Variants in TEAD1 observed in about 807,000 individuals in gnomAD.
TEAD1 encodes transcriptional enhancer factor TEF-1.
In TEAD1, 9 loss-of-function variants were observed where a neutral mutation model predicts 54.9. The ratio of observed to expected loss-of-function variants is 0.16; its 90% CI spans 0.10 to 0.29. The LOEUF is 0.29. TEAD1 is among the 10% of genes least tolerant of loss of function. The probability of loss-of-function intolerance (pLI) is 1.00; values close to 1 mark genes in which losing one functional copy is unlikely to be tolerated. For missense variants in TEAD1, 387 were observed against 535.9 expected (o/e 0.72, Z 2.74); for synonymous variants, 200 against 187.8 (o/e 1.07, Z -0.53).
At chr11:12,720,202 T>G (rs1333125151) in intron 2 of TEAD1, among the ~76,000 whole-genome samples, 1 of 152,032 alleles carries the variant, frequency 6.6e-6, no homozygotes, top group Non-Finnish European at 1.5e-5. Flanking sequence ...ATGTTAAATC[T>G]AATGTGGAAA....
intron 3 of TEAD1, among the ~76,000 whole-genome samples, chr11:12,799,075 ACCCATGAAAAT>A: frequency 6.6e-6 from 1 of 152,332 alleles, no homozygotes. Flanking sequence ...CTATCTGTAG[ACCCATGAAAAT>A]CTCATTGAAG....
At chr11:12,705,987 A>T in intron 2 of TEAD1, among the ~76,000 whole-genome samples, 1 of 152,212 alleles carries the variant, frequency 6.6e-6, no homozygotes, top group Non-Finnish European at 1.5e-5. Flanking sequence ...TTAAAGTATA[A>T]ATAGAGGGAG....
chr11:12,853,873 A>G (rs1589926208), intron 3 of TEAD1, among the ~76,000 whole-genome samples: 1 of 152,236 alleles, frequency 6.6e-6, no homozygotes, highest in Non-Finnish European at 1.5e-5. Flanking sequence ...TGGCAGGGAT[A>G]TGAGATAGAA....
In TEAD1 at chr11:12,864,863, C is replaced by T. The variant is rs765806436; in HGVS notation, c.293C>T (p.Ala98Val). The change falls in exon 5 of 13, where the codon GCC becomes GTC. Residue 98 changes from alanine to valine, a missense_variant. By Grantham distance (64) the Ala-to-Val change is moderately conservative. Coordinates refer to ENST00000527636, the MANE Select transcript of TEAD1 (RefSeq NM_021961.6). ...GTGTCTAGTCACATTCAGGTTCTTG[C>T]CAGAAGGAAATCTCGTGATTTTCAT... is the stretch of plus-strand genomic sequence containing the variant. 6.2e-7 allele frequency: 1 copy of T among 1,614,056 alleles called. No individual in the cohort carries two copies. Among genetic ancestry groups the T allele is most frequent in the South Asian group, 1.1e-5 (1 of 91,074 alleles).
rs183563134 is a variant in TEAD1, at chr11:12,871,805, C to T, written c.330+6905C>T. ...CAAAACTAAGAGGAAAGGAAGTCTT[C>T]GCCGTGCCCTCCGCTCGGCAGGAAT... On this transcript the variant is annotated intron_variant, in intron 5 of 12. Coordinates refer to ENST00000527636, the MANE Select transcript of TEAD1 (RefSeq NM_021961.6). 5.1e-4 allele frequency among the ~76,000 whole-genome samples: 78 copies of T among 152,196 alleles called. 1 individual carries two copies. In the East Asian group the frequency reaches 0.013, roughly 25 times the overall value.
At chr11:12,833,888 T>G (rs1362987623) in intron 3 of TEAD1, among the ~76,000 whole-genome samples, 1 of 152,176 alleles carries the variant, frequency 6.6e-6, no homozygotes, top group Non-Finnish European at 1.5e-5. Context: ...GCCCCCTCCT[T>G]GTGTTTACTC....
chr11:12,804,980 G>T (rs1326805560), intron 3 of TEAD1, among the ~76,000 whole-genome samples: 1 of 152,184 alleles, frequency 6.6e-6, no homozygotes, highest in Non-Finnish European at 1.5e-5. Flanking sequence ...CAGCACATTT[G>T]TCCAGTAGAC....
At chr11:12,857,504 T>C (rs1947412331) in intron 3 of TEAD1, among the ~76,000 whole-genome samples, 2 of 152,058 alleles carry the variant, frequency 1.3e-5, no homozygotes, top group Non-Finnish European at 2.9e-5. Context: ...AATAAGTAAC[T>C]TAAAGTTAGC....
At chr11:12,684,562 A>G (rs1943294618) in intron 2 of TEAD1, among the ~76,000 whole-genome samples, 2 of 152,130 alleles carry the variant, frequency 1.3e-5, no homozygotes, top group Admixed American at 1.3e-4. Context: ...TGCTGCCCTC[A>G]TTGCACCTCT....
Position 12,790,598 on chromosome 11 carries a change from C to T in TEAD1, c.202+26164C>T, listed in dbSNP as rs555951113. Reference sequence around the variant, plus strand: ...TCCCCAGGTTCATCTCCCATATCCCCAGTATTAAAGAATCTCAGATGAATG... The same window carrying T: ...TCCCCAGGTTCATCTCCCATATCCCTAGTATTAAAGAATCTCAGATGAATG... On this transcript the variant is annotated intron_variant, in intron 3 of 12. Transcript: ENST00000527636. 3.3e-5 allele frequency among the ~76,000 whole-genome samples: 5 copies of T among 152,324 alleles called. No homozygotes were observed. In the East Asian group the frequency reaches 9.6e-4, roughly 29 times the overall value.
chr11:12,722,208 A>G (rs1267314810), intron 2 of TEAD1, among the ~76,000 whole-genome samples: 3 of 152,192 alleles, frequency 2.0e-5, no homozygotes, highest in African/African-American at 7.2e-5. Context: ...CAGTGACAAG[A>G]TGGGCCAGGA....
In TEAD1 at chr11:12,939,154, C is replaced by T. The variant is rs947694311; in HGVS notation, c.*1932C>T. ...CTGTCCCCATTTGGAATGCCCATTC[C>T]TTCTAGAAACCAGTTGGACAGTGCT... On this transcript the variant is annotated 3_prime_UTR_variant, in exon 13 of 13. Transcript: ENST00000527636. 7.9e-5 allele frequency: 12 copies of T among 152,220 alleles called. No individual in the cohort carries two copies. The highest frequency in any genetic ancestry group is 2.4e-4 in the African/African-American group (10 of 41,430). 9.4% of individuals were successfully genotyped at this position (152,220 alleles called of 1,614,324 possible). A position where few individuals can be genotyped will look rare whatever the true frequency, so the allele number is the denominator to read the frequency against.
At chr11:12,758,723 A>G (rs1168401229) in intron 2 of TEAD1, among the ~76,000 whole-genome samples, 1 of 151,678 alleles carries the variant, frequency 6.6e-6, no homozygotes, top group Non-Finnish European at 1.5e-5. Context: ...CATTTTTTTA[A>G]ATAGAGGCAA....
intron 2 of TEAD1, among the ~76,000 whole-genome samples, chr11:12,753,931 A>G (rs1009340988): frequency 3.3e-5 from 5 of 152,102 alleles, no homozygotes; most frequent in South Asian, 2.1e-4. Flanking sequence ...GGTGGGGTCA[A>G]TTTTTATTTT....
intron 2 of TEAD1, among the ~76,000 whole-genome samples, chr11:12,751,185 C>T (rs1944861810): frequency 6.6e-6 from 1 of 151,888 alleles, no homozygotes; most frequent in African/African-American, 2.4e-5. Flanking sequence ...GCCTGTAGTC[C>T]CAGCTACTTG....
intron 9 of TEAD1, among the ~76,000 whole-genome samples, chr11:12,887,577 T>C (rs1020689516): frequency 6.6e-6 from 1 of 152,228 alleles, no homozygotes; most frequent in African/African-American, 2.4e-5. Context: ...CTGTGTGCTT[T>C]ATTGGACAAA....
intron 10 of TEAD1, among the ~76,000 whole-genome samples, chr11:12,915,480 A>AGG (rs1172609088): frequency 2.6e-5 from 4 of 152,200 alleles, no homozygotes; most frequent in African/African-American, 9.6e-5. Context: ...TGAAATGGGA[A>AGG]GGGTCAGTCT....
At chr11:12,860,477 T>C (rs1205362672) in intron 3 of TEAD1, among the ~76,000 whole-genome samples, 1 of 152,176 alleles carries the variant, frequency 6.6e-6, no homozygotes, top group Admixed American at 6.5e-5. Context: ...TCTAGGACAT[T>C]CTAGGCAGTG....
chr11:12,879,141 A>T (rs566729959), intron 5 of TEAD1, among the ~76,000 whole-genome samples: 1 of 151,926 alleles, frequency 6.6e-6, no homozygotes, highest in South Asian at 2.1e-4. Flanking sequence ...TGGCCCTGTT[A>T]CCCCCAACCC....
Sources: gnomAD v4.1 joint callset for allele counts (sites outside exome capture counted in the v4.1 genomes callset) on GRCh38, gnomAD v4.1.1 for gene constraint, MANE v1.5 for transcripts, NCBI Gene and HGNC (gene_info 2026-07-23, HGNC 2026-07-21) for gene names.